Variants in KIAA0753 observed in about 807,000 individuals in gnomAD.
KIAA0753 encodes the protein protein moonraker.
Under a neutral mutation model 116.9 loss-of-function variants are expected in KIAA0753, and 114 were observed. The ratio of observed to expected loss-of-function variants is 0.98; its 90% CI spans 0.84 to 1.14. The LOEUF (loss-of-function observed/expected upper bound fraction) is 1.14. Ranked by LOEUF, KIAA0753 falls within the 50% of genes most tolerant of loss-of-function variation. The pLI, the probability that KIAA0753 is intolerant of heterozygous loss-of-function variation, is 0.00. For missense variants in KIAA0753, 1,156 were observed against 1,172.4 expected (o/e 0.99, Z 0.20); for synonymous variants, 405 against 413.1 (o/e 0.98, Z 0.24).
intron 18 of KIAA0753, among the ~76,000 whole-genome samples, chr17:6,582,505 C>G (rs1312260351): frequency 6.6e-6 from 1 of 152,222 alleles, no homozygotes; most frequent in African/African-American, 2.4e-5. Context: ...TCCCCCTCTC[C>G]TATTCCTTCT....
intron 16 of KIAA0753, among the ~76,000 whole-genome samples, chr17:6,592,691 C>A (rs1302931654): frequency 1.3e-5 from 2 of 152,126 alleles, no homozygotes; most frequent in Non-Finnish European, 2.9e-5. Flanking sequence ...TAGACCTACA[C>A]ATAAAACTAA....
intron 9 of KIAA0753, among the ~76,000 whole-genome samples, chr17:6,609,315 TCAAAAACTACTGCCTCACGG>T (rs1351793246): frequency 6.6e-6 from 1 of 152,230 alleles, no homozygotes; most frequent in Non-Finnish European, 1.5e-5. Context: ...CATTGTGTTT[TCAAAAACTACTGCCTCACGG>T]CAAACGAGCT....
At chr17:6,620,753 A>G in intron 7 of KIAA0753, 35 bp downstream of exon 7, 1 of 1,589,992 alleles carries the variant, frequency 6.3e-7, no homozygotes, top group Non-Finnish European at 8.6e-7. Flanking sequence ...TGTAATGAAT[A>G]AAATGTCTTA....
chr17:6,610,208 A>G, intron 8 of KIAA0753, 48 bp from the exon 9 acceptor site: 1 of 1,587,702 alleles, frequency 6.3e-7, no homozygotes, highest in Non-Finnish European at 8.6e-7. Flanking sequence ...TACCAAAGAA[A>G]CTATGGTTTA....
At chr17:6,583,617 T>C (rs925014999) in intron 18 of KIAA0753, among the ~76,000 whole-genome samples, 2 of 152,244 alleles carry the variant, frequency 1.3e-5, no homozygotes, top group East Asian at 3.8e-4. Context: ...TTTTCTTCTG[T>C]TGTGTCTAAT....
intron 8 of KIAA0753, 120 bp downstream of exon 8, chr17:6,611,799 C>T: frequency 2.7e-6 from 2 of 732,736 alleles, no homozygotes; most frequent in Non-Finnish European, 4.7e-6. Context: ...CTTAAATAGC[C>T]AGACTCAAGG....
intron 18 of KIAA0753, among the ~76,000 whole-genome samples, chr17:6,581,080 C>T (rs1390623728): frequency 6.6e-6 from 1 of 152,192 alleles, no homozygotes; most frequent in Non-Finnish European, 1.5e-5. Flanking sequence ...TATCTATCTA[C>T]AGGCCTTATT....
intron 3 of KIAA0753, among the ~76,000 whole-genome samples, chr17:6,626,523 C>T (rs935827801): frequency 1.3e-5 from 2 of 151,796 alleles, no homozygotes; most frequent in East Asian, 1.9e-4. Context: ...ATAAATGGAA[C>T]GGGCTTAGGT....
chr17:6,617,619 A>G (rs1475726595), intron 7 of KIAA0753, among the ~76,000 whole-genome samples: 1 of 152,034 alleles, frequency 6.6e-6, no homozygotes, highest in Non-Finnish European at 1.5e-5. Flanking sequence ...CTAAGGAAGC[A>G]TTTTGTTTTG....
chr17:6,595,437 C>T (rs575158670), intron 15 of KIAA0753, among the ~76,000 whole-genome samples: 1 of 152,116 alleles, frequency 6.6e-6, no homozygotes, highest in South Asian at 2.1e-4. Flanking sequence ...ACAACTATCA[C>T]CAAGGGGAGA....
At chr17:6,607,090 G>T in intron 11 of KIAA0753, 91 bp downstream of exon 11, 1 of 1,395,766 alleles carries the variant, frequency 7.2e-7, no homozygotes, top group Non-Finnish European at 1.0e-6. Context: ...CAGAAGTGTA[G>T]CTAGACCTAA....
intron 7 of KIAA0753, among the ~76,000 whole-genome samples, chr17:6,620,284 T>C (rs1428054562): frequency 6.6e-6 from 1 of 152,156 alleles, no homozygotes; most frequent in Non-Finnish European, 1.5e-5. Flanking sequence ...TATACTGATG[T>C]CACTTCTAGT....
chr17:6,628,063 A>T, intron 3 of KIAA0753, 54 bp downstream of exon 3: 1 of 1,529,942 alleles, frequency 6.5e-7, no homozygotes, highest in Non-Finnish European at 8.8e-7. Flanking sequence ...AATGCATTTA[A>T]ACTACCCCAT....
intron 18 of KIAA0753, among the ~76,000 whole-genome samples, chr17:6,580,294 A>G (rs922915550): frequency 2.6e-5 from 4 of 151,218 alleles, no homozygotes; most frequent in Admixed American, 6.6e-5. Flanking sequence ...GGAAATTCAG[A>G]AGGCCAAGAA....
In KIAA0753 at chr17:6,579,692, G is replaced by T; in HGVS notation, c.*55C>A. On this transcript the variant is annotated 3_prime_UTR_variant, in exon 19 of 19. Coordinates refer to ENST00000361413, the MANE Select transcript of KIAA0753 (RefSeq NM_014804.3). Reference sequence around the variant, plus strand: ...AAAATTTCCTGTGGGCCAAAACAAAGGGTGGTGCCATCCCTTCTCCAGTGT... The same window carrying T: ...AAAATTTCCTGTGGGCCAAAACAAATGGTGGTGCCATCCCTTCTCCAGTGT... 8.0e-7 allele frequency: 1 copy of T among 1,248,104 alleles called. No homozygotes were observed. 77.3% of individuals were successfully genotyped at this position (1,248,104 alleles called of 1,614,324 possible).
chr17:6,620,401 T>A (rs936114395), intron 7 of KIAA0753, among the ~76,000 whole-genome samples: 2 of 148,222 alleles, frequency 1.3e-5, no homozygotes, highest in Admixed American at 1.4e-4. Flanking sequence ...AACAAAAATT[T>A]ATCTGAGGAA....
In KIAA0753 at chr17:6,594,999, G is replaced by A. The variant is rs1349477941; in HGVS notation, c.2413C>T (p.Arg805Ter). ...RYNKIAYADPRLWMQEENNDQ... is the reference protein window; with the variant it reads ...RYNKIAYADP ...TTGTTTTCTTCCTGCATCCAAAGTC[G>A]AGGATCAGCATATGCGATTTTATTA... The change falls in exon 16 of 19, where the codon CGA (arginine) becomes TGA (stop). Residue 805 changes from arginine to a stop codon, truncating the protein, a stop_gained. Transcript: ENST00000361413. LOFTEE classifies it high-confidence loss of function. 11 of 1,612,252 alleles carry A rather than the reference G, an allele frequency of 6.8e-6. No individual in the cohort carries two copies. The highest frequency in any genetic ancestry group is 9.3e-6 in the Non-Finnish European group (11 of 1,178,892).
intron 18 of KIAA0753, among the ~76,000 whole-genome samples, chr17:6,582,574 T>C (rs1047706491): frequency 6.6e-6 from 1 of 152,240 alleles, no homozygotes; most frequent in Non-Finnish European, 1.5e-5. Context: ...TGTCTTTTAA[T>C]TGGCATGTAA....
chr17:6,622,715 C>T (rs999045756), intron 6 of KIAA0753, among the ~76,000 whole-genome samples, 167 bp downstream of exon 6: 14 of 152,202 alleles, frequency 9.2e-5, no homozygotes, highest in Non-Finnish European at 1.9e-4. Context: ...ACAGACTACA[C>T]TGTAAAAATA....
Sources: gnomAD v4.1 joint callset for allele counts (sites outside exome capture counted in the v4.1 genomes callset) on GRCh38, gnomAD v4.1.1 for gene constraint, MANE v1.5 for transcripts, NCBI Gene and HGNC (gene_info 2026-07-23, HGNC 2026-07-21) for gene names.